CADPS: variants seen among roughly 807,000 people sequenced by gnomAD.
The protein encoded by CADPS is calcium dependent secretion activator, also known as calcium-dependent secretion activator 1.
CADPS carries 57 observed loss-of-function variants against 167.3 expected under a neutral mutation model. The ratio of observed to expected loss-of-function variants is 0.34; its 90% CI spans 0.28 to 0.42. CADPS has a LOEUF of 0.42. Among genes scored for constraint, CADPS ranks in the 20% least tolerant of loss-of-function variants. The probability of loss-of-function intolerance (pLI) is 1.00; values close to 1 mark genes in which losing one functional copy is unlikely to be tolerated. For synonymous variants in CADPS, 676 were observed against 635.3 expected (o/e 1.06, Z -0.96); for missense variants, 1,414 against 1,738.1 (o/e 0.81, Z 3.32).
In CADPS at chr3:62,541,276, G is replaced by A. The variant is rs141615511; in HGVS notation, c.1967-4695C>T. Among the ~76,000 whole-genome samples the A allele has an allele frequency of 1.7e-3, 256 of 152,278 alleles. 1 individual carries two copies. The highest frequency in any genetic ancestry group is 5.2e-3 in the African/African-American group (215 of 41,548). On this transcript the variant is annotated intron_variant, in intron 11 of 29. Transcript: ENST00000383710. ...AGGGCTCCAGATGTACTGATGTACT[G>A]ACAGTGAGCTATATGATTTTATAGG...
At chr3:62,556,777 G>C (rs144694327) in intron 10 of CADPS, among the ~76,000 whole-genome samples, 2 of 151,588 alleles carry the variant, frequency 1.3e-5, no homozygotes, top group African/African-American at 4.9e-5. Flanking sequence ...AAATACTACC[G>C]CTCGTGTAGT....
intron 11 of CADPS, among the ~76,000 whole-genome samples, chr3:62,537,259 A>G (rs1010343099): frequency 5.9e-5 from 9 of 152,200 alleles, no homozygotes; most frequent in Admixed American, 5.9e-4. Context: ...AGACAAACAA[A>G]TTTACTCAGC....
intron 26 of CADPS, among the ~76,000 whole-genome samples, chr3:62,464,861 T>C (rs2059763208): frequency 6.6e-6 from 1 of 152,222 alleles, no homozygotes; most frequent in Admixed American, 6.5e-5. Flanking sequence ...TAGAATGCTA[T>C]GCAGGCACCC....
At chr3:62,529,345 T>C (rs1000642229) in intron 13 of CADPS, among the ~76,000 whole-genome samples, 22 of 152,112 alleles carry the variant, frequency 1.4e-4, no homozygotes, top group Non-Finnish European at 2.2e-4. Context: ...AAGAAATAGA[T>C]CAGGTTCAAG....
At chr3:62,463,196 C>G (rs899141732) in intron 26 of CADPS, among the ~76,000 whole-genome samples, 1 of 152,134 alleles carries the variant, frequency 6.6e-6, no homozygotes, top group African/African-American at 2.4e-5. Flanking sequence ...CTCTCTGGTG[C>G]CCTGTTCTTG....
At chr3:62,739,827 G>T (rs1390062895) in intron 3 of CADPS, among the ~76,000 whole-genome samples, 1 of 152,194 alleles carries the variant, frequency 6.6e-6, no homozygotes, top group Non-Finnish European at 1.5e-5. Flanking sequence ...AAGAGACAAA[G>T]GAAGAGATTT....
At chr3:62,503,423 A>G (rs1408587179) in intron 17 of CADPS, among the ~76,000 whole-genome samples, 1 of 152,196 alleles carries the variant, frequency 6.6e-6, no homozygotes, top group Non-Finnish European at 1.5e-5. Flanking sequence ...TATGGGACTG[A>G]TCTCTGTAAA....
chr3:62,791,884 T>A (rs1318435307), intron 1 of CADPS, among the ~76,000 whole-genome samples: 4 of 152,238 alleles, frequency 2.6e-5, no homozygotes, highest in East Asian at 1.9e-4. Context: ...GTACTTTAAG[T>A]GCTTAGCACA....
At chr3:62,588,424 T>G (rs2085163548) in intron 7 of CADPS, among the ~76,000 whole-genome samples, 1 of 152,168 alleles carries the variant, frequency 6.6e-6, no homozygotes, top group Middle Eastern at 3.4e-3. Flanking sequence ...ATTTGCTCTG[T>G]GCACAGGACA....
intron 8 of CADPS, 76 bp downstream of exon 8, chr3:62,585,109 G>A: frequency 7.5e-7 from 1 of 1,336,618 alleles, no homozygotes; most frequent in Non-Finnish European, 1.1e-6. Flanking sequence ...TGAAGATCTT[G>A]TGTTTATTTT....
At chr3:62,770,007 G>T (rs1448464984) in intron 1 of CADPS, among the ~76,000 whole-genome samples, 1 of 152,156 alleles carries the variant, frequency 6.6e-6, no homozygotes, top group Non-Finnish European at 1.5e-5. Flanking sequence ...AACTCAATGG[G>T]CTCCAAGGCT....
chr3:62,412,295 G>T lies in CADPS; in HGVS notation c.3778-9110C>A, dbSNP rs2049119615. Among the ~76,000 whole-genome samples the T allele has an allele frequency of 7.1e-6, 1 of 141,248 alleles. No individual in the cohort carries two copies. The highest frequency in any genetic ancestry group is 2.6e-5 in the African/African-American group (1 of 38,338). The allele number at this position is 141,248 out of a possible 152,430, so 92.7% of individuals were successfully genotyped here. ...GCAGCTCCCTGAGGACTCACTGACG[G>T]AGGAGTCTGAGACAACGTGCTACAA... On this transcript the variant is annotated intron_variant, in intron 28 of 29. Transcript: ENST00000383710. This position sits in a 1 kb window ranked among gnomAD's most constrained non-coding sequence, Gnocchi z 4.1.
At chr3:62,808,600 C>T (rs554737060) in intron 1 of CADPS, among the ~76,000 whole-genome samples, 43 of 152,222 alleles carry the variant, frequency 2.8e-4, no homozygotes, top group African/African-American at 1.0e-3. Context: ...GACCTTCCTT[C>T]CCAGAATCCA....
chr3:62,838,816 A>G (rs2076249739), intron 1 of CADPS, among the ~76,000 whole-genome samples: 1 of 152,180 alleles, frequency 6.6e-6, no homozygotes, highest in South Asian at 2.1e-4. Context: ...TGCTGGACAA[A>G]TCTTGCCCTA....
At chr3:62,782,290 T>C (rs1474103448) in intron 1 of CADPS, among the ~76,000 whole-genome samples, 1 of 152,150 alleles carries the variant, frequency 6.6e-6, no homozygotes, top group Non-Finnish European at 1.5e-5. Context: ...AATTCATCCA[T>C]CCAGCCAGCC....
chr3:62,649,865 C>T (rs951261601), intron 5 of CADPS, among the ~76,000 whole-genome samples: 2 of 151,976 alleles, frequency 1.3e-5, no homozygotes, highest in African/African-American at 4.8e-5. Context: ...CTTTTTTCAC[C>T]AGGCGTATTT....
At chr3:62,568,883 T>A (rs377110246) in intron 9 of CADPS, among the ~76,000 whole-genome samples, 6 of 152,332 alleles carry the variant, frequency 3.9e-5, no homozygotes, top group African/African-American at 1.4e-4. Context: ...TATTCATTTT[T>A]TAAACCTTAA....
intron 3 of CADPS, among the ~76,000 whole-genome samples, chr3:62,747,356 C>T (rs114571190): frequency 0.013 from 1,928 of 152,246 alleles, 46 homozygotes; most frequent in African/African-American, 0.044. Context: ...ACAGACCTAC[C>T]GGAAACTTCT....
chr3:62,466,609 A>G lies in CADPS; in HGVS notation c.3478-196T>C, dbSNP rs2059963176. 6.3e-6 allele frequency: 4 copies of G among 636,720 alleles called. No homozygotes were observed. In the East Asian group the frequency reaches 1.2e-4, roughly 18 times the overall value. 39.4% of individuals were successfully genotyped at this position (636,720 alleles called of 1,614,324 possible). A position where few individuals can be genotyped will look rare whatever the true frequency, so the allele number is the denominator to read the frequency against. On this transcript the variant is annotated intron_variant, in intron 24 of 29. Transcript: ENST00000383710. ...GAGATCTGAAGCTCTTAAAAATATT[A>G]CCAAGTTCATTGTTCCTTACTCAAG...
Sources: allele counts gnomAD v4.1 joint callset (sites outside exome capture counted in the v4.1 genomes callset), GRCh38; gene constraint gnomAD v4.1.1; non-coding constraint Gnocchi (gnomAD v3.1); transcripts MANE v1.5; gene names NCBI Gene and HGNC (gene_info 2026-07-23, HGNC 2026-07-21).